ATF7IP2: variants seen among roughly 807,000 people sequenced by gnomAD.
ATF7IP2 encodes the protein activating transcription factor 7 interacting protein 2, also known as activating transcription factor 7-interacting protein 2.
Under a neutral mutation model 64.2 loss-of-function variants are expected in ATF7IP2, and 42 were observed. The observed-to-expected ratio is 0.65, with a 90% CI of 0.51 to 0.85. The LOEUF is 0.85. Ranked by LOEUF, ATF7IP2 falls within the 40% of genes least tolerant of loss-of-function variation. The pLI is 0.00. For missense variants in ATF7IP2, 933 were observed against 784.2 expected (o/e 1.19, Z -2.27); for synonymous variants, 308 against 272.8 (o/e 1.13, Z -1.27).
At chr16:10,481,809 T>C (rs1049643413) in intron 13 of ATF7IP2, 27 bp from the exon 14 acceptor site, 1 of 1,536,628 alleles carries the variant, frequency 6.5e-7, no homozygotes, top group Non-Finnish European at 8.7e-7. Context: ...CTTTAAAAGC[T>C]ATATTTTCTT....
At position 10,482,925 on chromosome 16, in the gene ATF7IP2, GC is replaced by G. The variant is rs1567186144; in HGVS notation, c.*677del. Reference sequence around the variant, plus strand: ...GATGAGGTTTCACCTTGTTGGTCAGGCTGGTCTCAAACTCCTGACCTCAGGG... The same window carrying G: ...GATGAGGTTTCACCTTGTTGGTCAGGTGGTCTCAAACTCCTGACCTCAGGG... On this transcript the variant is annotated 3_prime_UTR_variant, in exon 14 of 14. Transcript: ENST00000562102. 2 of 152,168 alleles carry G rather than the reference GC, an allele frequency of 1.3e-5. No homozygotes were observed. Among genetic ancestry groups the G allele is most frequent in the African/African-American group, 2.4e-5 (1 of 41,432 alleles). The allele number at this position is 152,168 out of a possible 1,614,324, so 9.4% of individuals were successfully genotyped here. A position where few individuals can be genotyped will look rare whatever the true frequency, so the allele number is the denominator to read the frequency against.
intron 1 of ATF7IP2, among the ~76,000 whole-genome samples, chr16:10,408,771 T>A (rs1316411116): frequency 6.6e-6 from 1 of 152,240 alleles, no homozygotes; most frequent in East Asian, 1.9e-4. Flanking sequence ...TATAAAGATT[T>A]TCTCCCACTC....
intron 5 of ATF7IP2, among the ~76,000 whole-genome samples, chr16:10,431,886 C>A (rs926290915): frequency 5.6e-5 from 8 of 142,668 alleles, no homozygotes; most frequent in Non-Finnish European, 1.0e-4. Flanking sequence ...TGCAGTGGCG[C>A]GATCTTGGCT....
chr16:10,464,260 T>C (rs1336231293), intron 9 of ATF7IP2, among the ~76,000 whole-genome samples: 1 of 152,204 alleles, frequency 6.6e-6, no homozygotes, highest in Admixed American at 6.5e-5. Flanking sequence ...TTTAAATGTT[T>C]AAAAACATTT....
At chr16:10,402,960 G>A (rs1250776813) in intron 1 of ATF7IP2, among the ~76,000 whole-genome samples, 3 of 151,984 alleles carry the variant, frequency 2.0e-5, no homozygotes, top group Non-Finnish European at 4.4e-5. Context: ...GTCTGACTTG[G>A]AGAATGTTCC....
At chr16:10,474,249 T>G (rs1418853354) in intron 12 of ATF7IP2, among the ~76,000 whole-genome samples, 1 of 152,232 alleles carries the variant, frequency 6.6e-6, no homozygotes, top group East Asian at 1.9e-4. Context: ...ATAATTGTTA[T>G]TTCACAAATT....
intron 9 of ATF7IP2, among the ~76,000 whole-genome samples, chr16:10,459,302 A>C (rs1393313734): frequency 6.6e-6 from 1 of 152,048 alleles, no homozygotes; most frequent in African/African-American, 2.4e-5. Flanking sequence ...CGCCGTCTCT[A>C]CTAAAAATAT....
At chr16:10,426,319 G>C (rs2048084814) in intron 3 of ATF7IP2, among the ~76,000 whole-genome samples, 1 of 152,176 alleles carries the variant, frequency 6.6e-6, no homozygotes, top group Non-Finnish European at 1.5e-5. Context: ...TTTATTCTCA[G>C]CAATGAATTC....
chr16:10,436,922 C>G (rs969982938), intron 6 of ATF7IP2, among the ~76,000 whole-genome samples: 1 of 151,704 alleles, frequency 6.6e-6, no homozygotes, highest in Admixed American at 6.6e-5. Flanking sequence ...AAGATAAGTT[C>G]ATTAATTTTT....
chr16:10,461,398 A>G (rs1200954014), intron 9 of ATF7IP2, among the ~76,000 whole-genome samples: 3 of 152,128 alleles, frequency 2.0e-5, no homozygotes, highest in Admixed American at 2.0e-4. Flanking sequence ...ATATATGTTT[A>G]GGAATGTTTA....
At chr16:10,468,974 A>T (rs1269116820) in intron 9 of ATF7IP2, among the ~76,000 whole-genome samples, 1 of 152,214 alleles carries the variant, frequency 6.6e-6, no homozygotes, top group African/African-American at 2.4e-5. Flanking sequence ...AAAAGCCAAA[A>T]GCAAGCTTCA....
chr16:10,417,855 C>G (rs1052518334), intron 2 of ATF7IP2, among the ~76,000 whole-genome samples: 5 of 152,158 alleles, frequency 3.3e-5, no homozygotes, highest in African/African-American at 9.7e-5. Flanking sequence ...CAGAAATACA[C>G]CTTCTCATTT....
Position 10,424,644 on chromosome 16 carries a change from A to C in ATF7IP2, c.-159-4224A>C, listed in dbSNP as rs145628129. On this transcript the variant is annotated intron_variant, in intron 3 of 13. Transcript: ENST00000562102. ...AGGAACTCTTACAAGCCAGTAATAA[A>C]AACGCAAATAACACAGTTTTTAAAT... Among the ~76,000 whole-genome samples, 462 of 152,340 alleles carry C rather than the reference A, an allele frequency of 3.0e-3. 5 individuals carry two copies. The highest frequency in any genetic ancestry group is 0.011 in the African/African-American group (439 of 41,574).
intron 12 of ATF7IP2, among the ~76,000 whole-genome samples, chr16:10,478,892 A>G (rs1250717115): frequency 6.6e-6 from 1 of 152,248 alleles, no homozygotes; most frequent in Non-Finnish European, 1.5e-5. Flanking sequence ...CAAAAAACAC[A>G]TGAAAAAATG....
At chr16:10,429,943 C>T (rs1486086048) in intron 4 of ATF7IP2, among the ~76,000 whole-genome samples, 3 of 151,700 alleles carry the variant, frequency 2.0e-5, no homozygotes, top group Non-Finnish European at 4.4e-5. Context: ...ACCTCCACCT[C>T]CCGGGTTCGA....
At chr16:10,440,816 A>G (rs888469483) in intron 8 of ATF7IP2, among the ~76,000 whole-genome samples, 5 of 152,198 alleles carry the variant, frequency 3.3e-5, no homozygotes, top group African/African-American at 4.8e-5. Context: ...TGCATTACAT[A>G]GGTATACACG....
chr16:10,481,837 T>C lies in ATF7IP2; in HGVS notation c.1637T>C (p.Val546Ala), dbSNP rs1012819228. The C allele has an allele frequency of 1.3e-6, 2 of 1,569,962 alleles. No homozygotes were observed. Among genetic ancestry groups the C allele is most frequent in the Admixed American group, 2.0e-5 (1 of 48,792 alleles). The change falls in exon 14 of 14, where the codon GTT becomes GCT. Residue 546 changes from valine to alanine, a missense_variant and splice_region_variant. Transcript: ENST00000562102. ...TTPLAQNAVQ[V>A]PESFEHLPPL... Reference sequence around the variant, plus strand: ...ATTTTCTTACAATTGTGTTTTTAGGTTCCTGAGTCCTTTGAGCACCTGCCA... The same window carrying C: ...ATTTTCTTACAATTGTGTTTTTAGGCTCCTGAGTCCTTTGAGCACCTGCCA...
chr16:10,465,411 A>G (rs542217185), intron 9 of ATF7IP2, among the ~76,000 whole-genome samples: 3 of 152,096 alleles, frequency 2.0e-5, no homozygotes, highest in East Asian at 1.9e-4. Flanking sequence ...CTTCCATAAA[A>G]ATTATCAGTT....
intron 1 of ATF7IP2, among the ~76,000 whole-genome samples, chr16:10,409,672 G>A (rs576451617): frequency 2.6e-5 from 4 of 152,250 alleles, no homozygotes; most frequent in South Asian, 4.1e-4. Flanking sequence ...TGATCCGCCC[G>A]CCTGGGCCTC....
Sources: gnomAD v4.1 joint callset for allele counts (sites outside exome capture counted in the v4.1 genomes callset) on GRCh38, gnomAD v4.1.1 for gene constraint, MANE v1.5 for transcripts, NCBI Gene and HGNC (gene_info 2026-07-23, HGNC 2026-07-21) for gene names.